The following ZNF124 variants were observed in gnomAD, a reference collection of about 807,000 sequenced individuals.
The protein encoded by ZNF124 is zinc finger protein HZF-16.
A neutral mutation model predicts 26.6 loss-of-function variants in ZNF124; 25 were observed. The ratio of observed to expected loss-of-function variants is 0.94; its 90% CI spans 0.68 to 1.31. The LOEUF (loss-of-function observed/expected upper bound fraction) is 1.31. Ranked by LOEUF, ZNF124 falls within the 40% of genes most tolerant of loss-of-function variation. The pLI, the probability that ZNF124 is intolerant of heterozygous loss-of-function variation, is 0.00. For missense variants in ZNF124, 444 were observed against 422.2 expected (o/e 1.05, Z -0.45); for synonymous variants, 129 against 133.3 (o/e 0.97, Z 0.22).
At chr1:247,151,533 C>G (rs1025702817), downstream of ZNF124, among the ~76,000 whole-genome samples, 21 of 150,304 alleles carry the variant, frequency 1.4e-4, no homozygotes, top group South Asian at 8.5e-4. Flanking sequence ...CTAGGAAATT[C>G]ACACGTTACT....
At chr1:247,153,506 A>T (rs1305707792), downstream of ZNF124, among the ~76,000 whole-genome samples, 6 of 152,216 alleles carry the variant, frequency 3.9e-5, no homozygotes, top group Non-Finnish European at 5.9e-5. Flanking sequence ...ATCTGCTATT[A>T]GATTTCTGGA....
chr1:247,162,632 AAAGCAG>A (rs1673547222), intron 1 of ZNF124, among the ~76,000 whole-genome samples: 1 of 143,066 alleles, frequency 7.0e-6, no homozygotes, highest in African/African-American at 3.0e-5. Flanking sequence ...AAAAAAAAAA[AAAGCAG>A]GGATTACTAG....
intron 3 of ZNF124, among the ~76,000 whole-genome samples, chr1:247,125,740 T>C (rs1044578401): frequency 6.6e-6 from 1 of 152,220 alleles, no homozygotes; most frequent in Non-Finnish European, 1.5e-5. Flanking sequence ...TTAGTCATCC[T>C]ACTGGGAATG....
At chr1:247,125,933 A>T (rs1672207451) in intron 3 of ZNF124, among the ~76,000 whole-genome samples, 1 of 151,996 alleles carries the variant, frequency 6.6e-6, no homozygotes, top group Non-Finnish European at 1.5e-5. Flanking sequence ...GGGGAAAAAA[A>T]GTAAATATTG....
At chr1:247,135,433 T>C (rs1376724670) in intron 3 of ZNF124, among the ~76,000 whole-genome samples, 1 of 152,064 alleles carries the variant, frequency 6.6e-6, no homozygotes, top group East Asian at 1.9e-4. Context: ...CTAGAAAATC[T>C]AGAAGAAATG....
At chr1:247,166,568 T>A (rs542935906) in intron 1 of ZNF124, among the ~76,000 whole-genome samples, 1 of 152,292 alleles carries the variant, frequency 6.6e-6, no homozygotes, top group East Asian at 1.9e-4. Context: ...GCAGAATACA[T>A]ATACAATAAG....
chr1:247,156,531 C>G lies in ZNF124; in HGVS notation c.*35G>C. On this transcript the variant is annotated 3_prime_UTR_variant, in exon 4 of 4. Transcript: ENST00000543802. ...AGTTTCTCTCAAGTATGTGACTGTT[C>G]ATGTTTTTGACAAAAACTGTAGTGA... The G allele has an allele frequency of 6.7e-7, 1 of 1,497,742 alleles. No homozygotes were observed. Among genetic ancestry groups the G allele is most frequent in the Non-Finnish European group, 8.9e-7 (1 of 1,126,510 alleles). The allele number at this position is 1,497,742 out of a possible 1,614,324, so 92.8% of individuals were successfully genotyped here.
At chr1:247,153,140 A>C (rs1033624435), downstream of ZNF124, among the ~76,000 whole-genome samples, 1 of 152,138 alleles carries the variant, frequency 6.6e-6, no homozygotes, top group African/African-American at 2.4e-5. Flanking sequence ...CTCAAAAAAA[A>C]AAAAAAGGTC....
At chr1:247,151,663 C>T (rs949453146), downstream of ZNF124, among the ~76,000 whole-genome samples, 3 of 152,130 alleles carry the variant, frequency 2.0e-5, no homozygotes, top group African/African-American at 7.2e-5. Context: ...CACATGTTCC[C>T]AACAGAAATT....
chr1:247,124,319 T>C (rs377308605), intron 3 of ZNF124, among the ~76,000 whole-genome samples: 85 of 152,130 alleles, frequency 5.6e-4, no homozygotes, highest in Middle Eastern at 3.4e-3. Context: ...TTCTCCTGCC[T>C]AAGTCTCCTG....
rs1434239074 is a variant in ZNF124 at position 247,156,829 on chromosome 1, T to C, written c.793A>G (p.Lys265Glu). Residue 265 changes from lysine to glutamate, a missense_variant, in exon 4 of 4, where the codon AAG becomes GAG. Transcript: ENST00000543802. ...TATCTGAAGGCTTTCCCACATTGCT[T>C]ACATGGATAGGGTTCTTCACCAGCA... ...AHAGEEPYPC[K>E]QCGKAFRYAS... 2 of 1,614,058 alleles carry C rather than the reference T, an allele frequency of 1.2e-6. No individual in the cohort carries two copies. The highest frequency in any genetic ancestry group is 4.5e-5 in the East Asian group (2 of 44,900).
At chr1:247,153,087 T>G (rs577770473), downstream of ZNF124, among the ~76,000 whole-genome samples, 1 of 150,682 alleles carries the variant, frequency 6.6e-6, no homozygotes, top group Non-Finnish European at 1.5e-5. Context: ...AAGCTGAGAT[T>G]GCGCCACTGC....
chr1:247,134,880 A>T (rs1452407031), intron 3 of ZNF124, among the ~76,000 whole-genome samples: 3 of 152,246 alleles, frequency 2.0e-5, no homozygotes, highest in Admixed American at 6.5e-5. Context: ...ATGCAAATGA[A>T]CTGAAATCAT....
At chr1:247,138,679 A>G (rs1672549363) in intron 3 of ZNF124, 1 of 398,478 alleles carries the variant, frequency 2.5e-6, no homozygotes, top group Admixed American at 4.4e-5. Context: ...CCAAGAGTGC[A>G]GAGAAAGAAA....
upstream of ZNF124, among the ~76,000 whole-genome samples, chr1:247,172,273 T>G (rs932402726): frequency 4.6e-5 from 7 of 151,888 alleles, no homozygotes. Context: ...TATACAATGT[T>G]ACATTCATTT....
intron 2 of ZNF124, 142 bp from the exon 3 acceptor site, chr1:247,159,208 T>C (rs1255606361): frequency 4.4e-6 from 3 of 686,086 alleles, no homozygotes. Flanking sequence ...CAACATTGTT[T>C]GTGTTATGGG....
At chr1:247,158,877 C>T (rs1295279414) in intron 3 of ZNF124, 129 bp downstream of exon 3, 3 of 803,860 alleles carry the variant, frequency 3.7e-6, no homozygotes, top group East Asian at 5.6e-5. Flanking sequence ...GATCCGCCCA[C>T]CTCAGCATCC....
chr1:247,128,270 T>A (rs1184045936), intron 3 of ZNF124, among the ~76,000 whole-genome samples: 490 of 150,276 alleles, frequency 3.3e-3, no homozygotes, highest in African/African-American at 0.012. Flanking sequence ...TTTGTACCTC[T>A]CCTCCTTTTG....
chr1:247,167,939 A>G (rs539326720), intron 1 of ZNF124, among the ~76,000 whole-genome samples: 48 of 152,228 alleles, frequency 3.2e-4, no homozygotes, highest in Non-Finnish European at 6.3e-4. Context: ...ATAGCCAATA[A>G]ATATGAAAAA....
Sources: gnomAD v4.1 joint callset for allele counts (sites outside exome capture counted in the v4.1 genomes callset) on GRCh38, gnomAD v4.1.1 for gene constraint, MANE v1.5 for transcripts, NCBI Gene and HGNC (gene_info 2026-07-23, HGNC 2026-07-21) for gene names.